SLC22A16: variants seen among roughly 807,000 people sequenced by gnomAD.
SLC22A16 encodes the protein solute carrier family 22 member 16, also known as WUGSC:RG331P03.1.
A neutral mutation model predicts 52.9 loss-of-function variants in SLC22A16; 53 were observed. The observed-to-expected ratio is 1.00, with a 90% confidence interval of 0.80 to 1.26. The LOEUF is 1.26. Among genes scored for constraint, SLC22A16 ranks in the 50% most tolerant of loss-of-function variants. The probability of loss-of-function intolerance (pLI) is 0.00; values close to 1 mark genes in which losing one functional copy is unlikely to be tolerated. For synonymous variants in SLC22A16, 291 were observed against 268.8 expected (o/e 1.08, Z -0.81); for missense variants, 726 against 704.0 (o/e 1.03, Z -0.35).
At chr6:110,445,564 C>T (rs1309362121) in intron 3 of SLC22A16, among the ~76,000 whole-genome samples, 1 of 152,164 alleles carries the variant, frequency 6.6e-6, no homozygotes, top group Non-Finnish European at 1.5e-5. Context: ...CCCCACAAAT[C>T]CATTCCCCAT....
intron 1 of SLC22A16, among the ~76,000 whole-genome samples, chr6:110,462,433 CT>C (rs1219322120): frequency 6.6e-6 from 1 of 151,988 alleles, no homozygotes; most frequent in Admixed American, 6.5e-5. Context: ...CAAAAGAAAG[CT>C]GAAAATCAAC....
chr6:110,445,426 A>T (rs531835900), intron 3 of SLC22A16, among the ~76,000 whole-genome samples: 1 of 152,234 alleles, frequency 6.6e-6, no homozygotes, highest in South Asian at 2.1e-4. Flanking sequence ...TGGCTGATCA[A>T]CGTCTTGCCT....
At position 110,455,252 on chromosome 6, in the gene SLC22A16, A is replaced by G. The variant is rs1775603954; in HGVS notation, c.533+1286T>C. 3.9e-5 allele frequency among the ~76,000 whole-genome samples: 6 copies of G among 151,974 alleles called. No individual in the cohort carries two copies. The South Asian group carries it at 1.2e-3, about 31-fold the overall frequency. On this transcript the variant is annotated intron_variant, in intron 2 of 7. Coordinates refer to ENST00000368919, the MANE Select transcript of SLC22A16 (RefSeq NM_033125.4). ...CAGCAAATGTATTTTAGTACATTTCATACAAGTAGTTGCAAATATTTTGAG... is the reference window on the plus strand; with the variant it reads ...CAGCAAATGTATTTTAGTACATTTCGTACAAGTAGTTGCAAATATTTTGAG...
intron 3 of SLC22A16, among the ~76,000 whole-genome samples, chr6:110,445,900 T>C (rs1775152700): frequency 6.6e-6 from 1 of 152,148 alleles, no homozygotes; most frequent in African/African-American, 2.4e-5. Flanking sequence ...TAAATATATA[T>C]ATTTACTTTT....
At chr6:110,459,383 A>G (rs1478948165) in intron 1 of SLC22A16, among the ~76,000 whole-genome samples, 3 of 152,210 alleles carry the variant, frequency 2.0e-5, no homozygotes, top group African/African-American at 7.2e-5. Flanking sequence ...TGATCTGATG[A>G]GAAGGGCACT....
At chr6:110,437,064 G>A (rs1168150365) in intron 5 of SLC22A16, among the ~76,000 whole-genome samples, 1 of 152,174 alleles carries the variant, frequency 6.6e-6, no homozygotes, top group Non-Finnish European at 1.5e-5. Flanking sequence ...AACTTTCTAT[G>A]AGCAGGTAAC....
chr6:110,468,010 GATAA>G (rs1776130980), intron 1 of SLC22A16, among the ~76,000 whole-genome samples: 1 of 152,190 alleles, frequency 6.6e-6, no homozygotes, highest in South Asian at 2.1e-4. Flanking sequence ...ACCTCATGTA[GATAA>G]ATAATAGGTT....
At chr6:110,471,136 G>A (rs1776247959) in intron 1 of SLC22A16, among the ~76,000 whole-genome samples, 2 of 152,082 alleles carry the variant, frequency 1.3e-5, no homozygotes, top group African/African-American at 2.4e-5. Flanking sequence ...TACAACAGTG[G>A]TCCCATAAGA....
chr6:110,444,637 C>T (rs552803102), intron 3 of SLC22A16, among the ~76,000 whole-genome samples: 2 of 152,062 alleles, frequency 1.3e-5, no homozygotes, highest in African/African-American at 4.8e-5. Context: ...ACAAAGAGGC[C>T]GGCCTACAAG....
intron 1 of SLC22A16, 62 bp downstream of exon 1, chr6:110,476,460 G>C: frequency 2.8e-6 from 4 of 1,442,928 alleles, no homozygotes; most frequent in South Asian, 1.4e-5. Flanking sequence ...CCGCCGCAAC[G>C]GAAAGAAACA....
At chr6:110,427,849 C>T (rs1463529817) in intron 7 of SLC22A16, among the ~76,000 whole-genome samples, 2 of 152,186 alleles carry the variant, frequency 1.3e-5, no homozygotes, top group African/African-American at 4.8e-5. Context: ...TTTTAAATCA[C>T]CATACCTGGC....
intron 1 of SLC22A16, among the ~76,000 whole-genome samples, chr6:110,472,344 T>C (rs1776288112): frequency 6.6e-6 from 1 of 152,156 alleles, no homozygotes; most frequent in Non-Finnish European, 1.5e-5. Context: ...TGGGCTCTTA[T>C]CTAGGTCTTC....
intron 4 of SLC22A16, among the ~76,000 whole-genome samples, chr6:110,440,824 T>A (rs1774936633): frequency 6.6e-6 from 1 of 152,126 alleles, no homozygotes; most frequent in African/African-American, 2.4e-5. Context: ...AAACTATGCA[T>A]GTGTTTTCAG....
Position 110,438,961 on chromosome 6 carries a change from G to T in SLC22A16, c.1184-114C>A, listed in dbSNP as rs552878846. ...GAGCAGCCCTCTCCTCACTTCTGGG[G>T]CCTTTAGAAACTCTCTAAGAATTGC... On this transcript the variant is annotated intron_variant, in intron 4 of 7. Transcript: ENST00000368919. 8.6e-4 allele frequency: 1,138 copies of T among 1,319,102 alleles called. 1 individual carries two copies. Among genetic ancestry groups the T allele is most frequent in the Admixed American group, 1.1e-3 (43 of 39,242 alleles). 81.7% of individuals were successfully genotyped at this position (1,319,102 alleles called of 1,614,324 possible).
intron 4 of SLC22A16, 71 bp from the exon 5 acceptor site, chr6:110,438,918 C>A: frequency 6.3e-7 from 1 of 1,584,060 alleles, no homozygotes; most frequent in Non-Finnish European, 8.6e-7. Flanking sequence ...GTCTTCTAAC[C>A]CACTACCCAA....
chr6:110,429,951 G>A (rs1184065193), intron 7 of SLC22A16, among the ~76,000 whole-genome samples: 2 of 152,010 alleles, frequency 1.3e-5, no homozygotes, highest in Non-Finnish European at 2.9e-5. Context: ...CAGTGGGGCT[G>A]AGTCTGGAGA....
At chr6:110,438,897 AG>A (rs1182421117) in intron 4 of SLC22A16, 50 bp from the exon 5 acceptor site, 1 of 1,604,444 alleles carries the variant, frequency 6.2e-7, no homozygotes, top group Admixed American at 1.7e-5. Flanking sequence ...CGACTGCAAA[AG>A]GGGACCCCCG....
chr6:110,425,807 T>C (rs1035065027), intron 7 of SLC22A16, among the ~76,000 whole-genome samples: 6 of 152,268 alleles, frequency 3.9e-5, no homozygotes, highest in African/African-American at 1.4e-4. Context: ...ATTCTCTGTT[T>C]ATCATCATGA....
Position 110,456,183 on chromosome 6 carries a change from A to G in SLC22A16, c.533+355T>C, listed in dbSNP as rs1159823223. ...AATAAACCGTATCTATTGAGTGATT[A>G]TATGTCCAGGGTACTTTTTTTCTGT... On this transcript the variant is annotated intron_variant, in intron 2 of 7. Coordinates refer to ENST00000368919, the MANE Select transcript of SLC22A16 (RefSeq NM_033125.4). 1.8e-5 allele frequency: 4 copies of G among 221,916 alleles called. No individual in the cohort carries two copies. The East Asian group carries it at 3.3e-4, about 18-fold the overall frequency. 13.7% of individuals were successfully genotyped at this position (221,916 alleles called of 1,614,324 possible). A position where few individuals can be genotyped will look rare whatever the true frequency, so the allele number is the denominator to read the frequency against.
Sources: allele counts gnomAD v4.1 joint callset (sites outside exome capture counted in the v4.1 genomes callset), GRCh38; gene constraint gnomAD v4.1.1; transcripts MANE v1.5; gene names NCBI Gene and HGNC (gene_info 2026-07-23, HGNC 2026-07-21).